PTPN21: variants seen among roughly 807,000 people sequenced by gnomAD.
The protein encoded by PTPN21 is protein tyrosine phosphatase non-receptor type 21.
In PTPN21, 77 loss-of-function variants were observed where a neutral mutation model predicts 131.8. The observed-to-expected ratio is 0.58, with a 90% CI of 0.49 to 0.71. The LOEUF is 0.71. Ranked by LOEUF, PTPN21 falls within the 30% of genes least tolerant of loss-of-function variation. The pLI, the probability that PTPN21 is intolerant of heterozygous loss-of-function variation, is 0.00. For synonymous variants in PTPN21, 715 were observed against 621.3 expected (o/e 1.15, Z -2.24); for missense variants, 1,552 against 1,527.1 (o/e 1.02, Z -0.27).
intron 5 of PTPN21, 141 bp from the exon 6 acceptor site, chr14:88,504,636 T>C: frequency 8.3e-6 from 5 of 602,484 alleles, no homozygotes; most frequent in Non-Finnish European, 1.5e-5. Context: ...TTTGTTTACA[T>C]AGGTAATCAT....
At position 88,465,920 on chromosome 14, in the gene PTPN21, TTTAC is replaced by T. The variant is rs1338488857; in HGVS notation, c.*2213_*2216del. ...TAAACAGTAATTTTGCCCTCAGAAGTTTACTTATCAAATTATTACAACAGGAACA... is the reference window on the plus strand; with the variant it reads ...TAAACAGTAATTTTGCCCTCAGAAGTTTATCAAATTATTACAACAGGAACA... On this transcript the variant is annotated 3_prime_UTR_variant, in exon 19 of 19. Coordinates refer to ENST00000556564, the MANE Select transcript of PTPN21 (RefSeq NM_007039.4). 8 of 151,350 alleles carry T rather than the reference TTTAC, an allele frequency of 5.3e-5. No individual in the cohort carries two copies. The highest frequency in any genetic ancestry group is 2.0e-4 in the African/African-American group (8 of 40,664). The allele number at this position is 151,350 out of a possible 1,614,324, so 9.4% of individuals were successfully genotyped here.
In PTPN21 at chr14:88,501,312, T is replaced by C; in HGVS notation, c.644A>G (p.Asp215Gly). The C allele has an allele frequency of 6.2e-7, 1 of 1,614,074 alleles. No homozygotes were observed. Among genetic ancestry groups the C allele is most frequent in the Non-Finnish European group, 8.5e-7 (1 of 1,179,950 alleles). ...AGGGTAGCTCTCTTCTCCATAGCCA[T>C]CCATTCTCTCTACCTCCTGCATGTA... ...MLYMQEVERM[D>G]GYGEESYPAK... The change falls in exon 7 of 19, where the codon GAT becomes GGT. Residue 215 changes from aspartate (D) to glycine (G), a missense_variant. Physicochemically the swap from Asp to Gly is moderately conservative, Grantham distance 94. Coordinates refer to ENST00000556564, the MANE Select transcript of PTPN21 (RefSeq NM_007039.4).
intron 2 of PTPN21, among the ~76,000 whole-genome samples, chr14:88,536,979 G>A (rs978649094): frequency 2.6e-5 from 4 of 152,152 alleles, no homozygotes; most frequent in African/African-American, 4.8e-5. Flanking sequence ...TCTTCCTTGT[G>A]ACAGATAGTG....
At position 88,478,920 on chromosome 14, in the gene PTPN21, C is replaced by G; in HGVS notation, c.2511G>C (p.Gly837=). ...CGGCACTGCTCGCCGCGTGGCTTAC[C>G]CCTAGAGGCGGGAGCCCTTCCACGA... The part of the protein sequence containing the change: ...KNIVEGLPPL[G]GMKKTRVDAK... The change falls in exon 13 of 19, where the codon GGG becomes GGC. Residue 837 remains glycine, a splice_region_variant and synonymous_variant. Transcript: ENST00000556564. 1.3e-6 allele frequency: 2 copies of G among 1,486,218 alleles called. No homozygotes were observed. The highest frequency in any genetic ancestry group is 1.8e-6 in the Non-Finnish European group (2 of 1,119,176). The allele number at this position is 1,486,218 out of a possible 1,614,324, so 92.1% of individuals were successfully genotyped here. A position where few individuals can be genotyped will look rare whatever the true frequency, so the allele number is the denominator to read the frequency against.
Position 88,479,997 on chromosome 14 carries a change from G to A in PTPN21, c.1434C>T (p.Gly478=). The A allele has an allele frequency of 6.2e-7, 1 of 1,612,622 alleles. No homozygotes were observed. Among genetic ancestry groups the A allele is most frequent in the Non-Finnish European group, 8.5e-7 (1 of 1,180,032 alleles). The change falls in exon 13 of 19, where the codon GGC becomes GGT. Residue 478 remains glycine, a synonymous_variant. Coordinates refer to ENST00000556564, the MANE Select transcript of PTPN21 (RefSeq NM_007039.4). ...CGGGCCTGCTGTAGGCGTACGAGCT[G>A]CCGATGTTGAGGTTTCGCAGCGAGT... ...QSHSLRNLNI[G]SSYAYSRPAA...
At chr14:88,517,044 C>T in intron 3 of PTPN21, 48 bp downstream of exon 3, 2 of 1,582,734 alleles carry the variant, frequency 1.3e-6, no homozygotes. Context: ...TCACTTTTTA[C>T]ATCTCACTAG....
At position 88,479,170 on chromosome 14, in the gene PTPN21, G is replaced by A. The variant is rs1217958529; in HGVS notation, c.2261C>T (p.Pro754Leu). ...PGCPRVLLAGPLHILEPKAHV... is the reference protein window; with the variant it reads ...PGCPRVLLAGLLHILEPKAHV... ...GGCCTTGGGCTCCAGGATGTGCAGG[G>A]GCCCGGCGAGCAGGACGCGAGGGCA... The change falls in exon 13 of 19, where the codon CCC becomes CTC. Residue 754 changes from proline to leucine, a missense_variant. Around this residue, in one of 4 missense-constraint regions of PTPN21, gnomAD observed 1,016 missense variants for 883.5 expected, o/e 1.15. Coordinates refer to ENST00000556564, the MANE Select transcript of PTPN21 (RefSeq NM_007039.4). 6.4e-7 allele frequency: 1 copy of A among 1,553,006 alleles called. No individual in the cohort carries two copies. Among genetic ancestry groups the A allele is most frequent in the South Asian group, 1.2e-5 (1 of 80,570 alleles).
chr14:88,540,994 C>G (rs1203613146), intron 2 of PTPN21, among the ~76,000 whole-genome samples: 1 of 152,124 alleles, frequency 6.6e-6, no homozygotes, highest in South Asian at 2.1e-4. Context: ...CATGAGCTTG[C>G]CACTCAGCAT....
chr14:88,541,998 T>C (rs1263864522), intron 2 of PTPN21, among the ~76,000 whole-genome samples: 1 of 152,014 alleles, frequency 6.6e-6, no homozygotes, highest in African/African-American at 2.4e-5. Flanking sequence ...CACCTGAAAT[T>C]GTATACAAAA....
At chr14:88,478,774 G>A (rs74072408) in intron 13 of PTPN21, 146 bp downstream of exon 13, 7,006 of 465,468 alleles carry the variant, frequency 0.015, 432 homozygotes, top group African/African-American at 0.13. Context: ...AATGTGTTCA[G>A]AATTAGACAA....
chr14:88,494,627 T>G (rs907915623), intron 10 of PTPN21, among the ~76,000 whole-genome samples: 4 of 151,984 alleles, frequency 2.6e-5, no homozygotes, highest in African/African-American at 9.7e-5. Context: ...ATCATGCCAC[T>G]GTACTCAGCC....
intron 2 of PTPN21, among the ~76,000 whole-genome samples, chr14:88,549,874 T>A (rs985158975): frequency 6.6e-6 from 1 of 151,840 alleles, no homozygotes; most frequent in Admixed American, 6.6e-5. Flanking sequence ...GCGATTCTCC[T>A]GTCTCAGCCT....
intron 13 of PTPN21, among the ~76,000 whole-genome samples, chr14:88,475,718 T>TA (rs1197597992): frequency 2.0e-5 from 3 of 152,228 alleles, no homozygotes; most frequent in African/African-American, 7.2e-5. Context: ...TTCAAACTGT[T>TA]AATGTCACAT....
intron 1 of PTPN21, among the ~76,000 whole-genome samples, chr14:88,554,274 C>G (rs2078897984): frequency 6.6e-6 from 1 of 152,172 alleles, no homozygotes; most frequent in Non-Finnish European, 1.5e-5. Context: ...AAAACAAACC[C>G]AGGCGTTACC....
At chr14:88,509,635 C>G (rs2078146440) in intron 3 of PTPN21, among the ~76,000 whole-genome samples, 1 of 152,222 alleles carries the variant, frequency 6.6e-6, no homozygotes, top group Non-Finnish European at 1.5e-5. Flanking sequence ...ATGGCAGCTC[C>G]TTTCAGAAGC....
chr14:88,481,700 C>T (rs1335658013), intron 12 of PTPN21, among the ~76,000 whole-genome samples: 2 of 152,048 alleles, frequency 1.3e-5, no homozygotes, highest in African/African-American at 4.8e-5. Flanking sequence ...TTGATGGGGA[C>T]AAGGAAGAGA....
rs1228850192 is a variant in PTPN21, at chr14:88,507,908, A to G, written c.448+15T>C. ...ATCTGATAGAACCATTTCATTATGA[A>G]TTGATCTTATTTACCTTGAACAGCT... On this transcript the variant is annotated intron_variant, in intron 4 of 18. Transcript: ENST00000556564. The G allele has an allele frequency of 6.7e-7, 1 of 1,497,576 alleles. No individual in the cohort carries two copies. Among genetic ancestry groups the G allele is most frequent in the Non-Finnish European group, 9.2e-7 (1 of 1,089,290 alleles). 92.8% of individuals were successfully genotyped at this position (1,497,576 alleles called of 1,614,324 possible).
Position 88,467,864 on chromosome 14 carries a change from A to T in PTPN21, c.*273T>A. ...ATTGTCTAGAAAATACAATCTCCAA[A>T]ATGTGTGCAAGTACTGCAAACCGGA... On this transcript the variant is annotated 3_prime_UTR_variant, in exon 19 of 19. Coordinates refer to ENST00000556564, the MANE Select transcript of PTPN21 (RefSeq NM_007039.4). 2.4e-6 allele frequency: 1 copy of T among 414,392 alleles called. No homozygotes were observed. Among genetic ancestry groups the T allele is most frequent in the Non-Finnish European group, 4.3e-6 (1 of 233,184 alleles). The allele number at this position is 414,392 out of a possible 1,614,324, so 25.7% of individuals were successfully genotyped here.
intron 13 of PTPN21, among the ~76,000 whole-genome samples, chr14:88,476,617 A>G (rs894440724): frequency 2.0e-5 from 3 of 152,190 alleles, no homozygotes; most frequent in South Asian, 2.1e-4. Flanking sequence ...GACCGTCCTC[A>G]TGATCTGAGG....
Sources: gnomAD v4.1 joint callset for allele counts (sites outside exome capture counted in the v4.1 genomes callset) on GRCh38, gnomAD v4.1.1 for gene constraint, gnomAD v4.1.1 regional missense constraint, MANE v1.5 for transcripts, NCBI Gene and HGNC (gene_info 2026-07-23, HGNC 2026-07-21) for gene names.